NINJ1: variants seen among roughly 807,000 people sequenced by gnomAD.
NINJ1 encodes ninjurin 1, also known as ninjurin-1.
A neutral mutation model predicts 12.7 loss-of-function variants in NINJ1; 6 were observed. The ratio of observed to expected loss-of-function variants is 0.47; its 90% CI spans 0.26 to 0.93. NINJ1 has a LOEUF of 0.93. NINJ1 is among the 40% of genes least tolerant of loss of function. The pLI is 0.15. For synonymous variants in NINJ1, 100 were observed against 96.0 expected (o/e 1.04, Z -0.25); for missense variants, 170 against 213.0 (o/e 0.80, Z 1.26).
intron 1 of NINJ1, among the ~76,000 whole-genome samples, chr9:93,129,173 C>T (rs1827855062): frequency 1.4e-5 from 1 of 71,034 alleles, no homozygotes; most frequent in Admixed American, 1.8e-4. Flanking sequence ...TGAAGCCCAG[C>T]AAAGGCGGTT....
intron 1 of NINJ1, among the ~76,000 whole-genome samples, chr9:93,129,684 A>C (rs1587665842): frequency 6.6e-6 from 1 of 152,264 alleles, no homozygotes; most frequent in Non-Finnish European, 1.5e-5. Context: ...AGACCAGCAG[A>C]TTGCAGCTCA....
chr9:93,128,542 T>C (rs1360203265), intron 1 of NINJ1, among the ~76,000 whole-genome samples: 1 of 152,222 alleles, frequency 6.6e-6, no homozygotes, highest in Admixed American at 6.5e-5. Flanking sequence ...GTTCTGCTCT[T>C]GCGAAGCTGC....
intron 1 of NINJ1, among the ~76,000 whole-genome samples, chr9:93,130,752 C>T (rs1288558570): frequency 5.9e-5 from 9 of 152,176 alleles, no homozygotes. Context: ...TCTGCCTCCC[C>T]GACCAACTCC....
intron 1 of NINJ1, among the ~76,000 whole-genome samples, chr9:93,130,561 C>T (rs1235466928): frequency 6.6e-6 from 1 of 152,196 alleles, no homozygotes; most frequent in Non-Finnish European, 1.5e-5. Context: ...CCTTTACCCC[C>T]CGAGTCCTGC....
chr9:93,124,869 G>T, intron 3 of NINJ1, 30 bp downstream of exon 3: 1 of 1,573,920 alleles, frequency 6.4e-7, no homozygotes, highest in Non-Finnish European at 8.6e-7. Context: ...CCCCAGGACT[G>T]CAGGCCTCGC....
At chr9:93,126,709 G>T (rs1283706650) in intron 1 of NINJ1, 71 bp from the exon 2 acceptor site, 8 of 1,215,942 alleles carry the variant, frequency 6.6e-6, no homozygotes, top group Admixed American at 6.3e-5. Context: ...GTCGGGCTCT[G>T]GGGGTCACCG....
rs369409973 is a variant in NINJ1 at position 93,134,127 on chromosome 9, G to T, written c.75+16C>A. The T allele has an allele frequency of 9.1e-6, 14 of 1,540,288 alleles. No homozygotes were observed. The African/African-American group carries it at 1.2e-4, about 14-fold the overall frequency. On this transcript the variant is annotated intron_variant, in intron 1 of 3. Coordinates refer to ENST00000375446, the MANE Select transcript of NINJ1 (RefSeq NM_004148.4). ...GGGCCTGGCAAGATCATGCAGCGGTGGGGGGAAGGTCTTACCGAGGCGTCC... is the reference window on the plus strand; with the variant it reads ...GGGCCTGGCAAGATCATGCAGCGGTTGGGGGAAGGTCTTACCGAGGCGTCC...
chr9:93,132,578 G>A lies in NINJ1; in HGVS notation c.75+1565C>T, dbSNP rs900601345. On this transcript the variant is annotated intron_variant, in intron 1 of 3. Coordinates refer to ENST00000375446, the MANE Select transcript of NINJ1 (RefSeq NM_004148.4). ...AAGCCTTCCCTGACCACCATGCCCC[G>A]CCCCCCACGATGGGCTCCCAGCCCC... Among the ~76,000 whole-genome samples, 17 of 152,120 alleles carry A rather than the reference G, an allele frequency of 1.1e-4. No individual in the cohort carries two copies. In the East Asian group the frequency reaches 2.3e-3, roughly 21 times the overall value.
chr9:93,132,025 G>A (rs1323522798), intron 1 of NINJ1, among the ~76,000 whole-genome samples: 3 of 152,192 alleles, frequency 2.0e-5, no homozygotes, highest in Non-Finnish European at 2.9e-5. Flanking sequence ...AGAAGGATGA[G>A]GGCGCTGAGT....
At chr9:93,124,697 A>G (rs1295945769) in intron 3 of NINJ1, among the ~76,000 whole-genome samples, 1 of 152,110 alleles carries the variant, frequency 6.6e-6, no homozygotes, top group Admixed American at 6.5e-5. Context: ...CACTGTGACC[A>G]CAGGACCCCA....
Position 93,124,957 on chromosome 9 carries a change from G to A in NINJ1, c.410C>T (p.Thr137Met), listed in dbSNP as rs138077782. The change falls in exon 3 of 4, where the codon ACG becomes ATG. Residue 137 changes from threonine to methionine, a missense_variant. Coordinates refer to ENST00000375446, the MANE Select transcript of NINJ1 (RefSeq NM_004148.4). ...CAAGGGCTTCTGGACCCCGAAGGCC[G>A]TGATGAAGATGTTGACTACCACGAT... ...FIIVVVNIFI[T>M]AFGVQKPLMD... is the part of the protein sequence containing the mutation. 38 of 1,614,064 alleles carry A rather than the reference G, an allele frequency of 2.4e-5. No individual in the cohort carries two copies. The highest frequency in any genetic ancestry group is 1.1e-4 in the African/African-American group (8 of 75,058).
At chr9:93,129,242 G>C (rs1564220178) in intron 1 of NINJ1, among the ~76,000 whole-genome samples, 1 of 152,212 alleles carries the variant, frequency 6.6e-6, no homozygotes. Context: ...CCAGGCCCCG[G>C]GGCTCAGAAG....
Position 93,134,201 on chromosome 9 carries a change from T to G in NINJ1, c.17A>C (p.Glu6Ala). MDSGT[E>A]EYELNGGLPP... The stretch of plus-strand genomic sequence containing the variant: ...CAGGCCGCCGTTGAGCTCGTACTCC[T>G]CGGTTCCCGAGTCCATGGTGCGGCC... The change falls in exon 1 of 4, where the codon GAG becomes GCG. Residue 6 changes from glutamate to alanine, a missense_variant. Coordinates refer to ENST00000375446, the MANE Select transcript of NINJ1 (RefSeq NM_004148.4). 1 of 1,526,880 alleles carries G rather than the reference T, an allele frequency of 6.5e-7. No individual in the cohort carries two copies. The highest frequency in any genetic ancestry group is 8.8e-7 in the Non-Finnish European group (1 of 1,134,104). 94.6% of individuals were successfully genotyped at this position (1,526,880 alleles called of 1,614,324 possible). A position where few individuals can be genotyped will look rare whatever the true frequency, so the allele number is the denominator to read the frequency against.
chr9:93,129,179 CG>C (rs11317529), intron 1 of NINJ1, among the ~76,000 whole-genome samples: 109,510 of 152,034 alleles, frequency 0.72, 39,927 homozygotes, highest in East Asian at 0.89. Context: ...CCAGCAAAGG[CG>C]GTTCCTTACC....
intron 2 of NINJ1, 33 bp from the exon 3 acceptor site, chr9:93,125,095 G>T (rs958441105): frequency 1.9e-6 from 3 of 1,588,800 alleles, no homozygotes. Flanking sequence ...TGGTGCCAAG[G>T]GCAGCCCAGA....
chr9:93,134,082 C>A, intron 1 of NINJ1, 61 bp downstream of exon 1: 4 of 1,346,478 alleles, frequency 3.0e-6, no homozygotes, highest in Non-Finnish European at 4.0e-6. Flanking sequence ...CCCGGGGAGC[C>A]GCGGCGCCCC....
At chr9:93,131,242 G>C (rs923967442) in intron 1 of NINJ1, among the ~76,000 whole-genome samples, 1 of 152,270 alleles carries the variant, frequency 6.6e-6, no homozygotes, top group East Asian at 1.9e-4. Flanking sequence ...CAAGACAGCA[G>C]GAAGTGCTGG....
intron 1 of NINJ1, among the ~76,000 whole-genome samples, chr9:93,132,375 G>A (rs1827907738): frequency 1.3e-5 from 2 of 152,192 alleles, no homozygotes; most frequent in African/African-American, 4.8e-5. Context: ...CATCGGCCTG[G>A]CTTCCCATCC....
chr9:93,126,686 G>C, intron 1 of NINJ1, 48 bp from the exon 2 acceptor site: 2 of 1,480,326 alleles, frequency 1.4e-6, no homozygotes, highest in South Asian at 2.5e-5. Context: ...AGGGGGGCAA[G>C]GGCTGTGCCT....
Sources: gnomAD v4.1 joint callset for allele counts (sites outside exome capture counted in the v4.1 genomes callset) on GRCh38, gnomAD v4.1.1 for gene constraint, MANE v1.5 for transcripts, NCBI Gene and HGNC (gene_info 2026-07-23, HGNC 2026-07-21) for gene names.